The following POMP variants were observed in gnomAD, a reference collection of about 807,000 sequenced individuals.
POMP encodes 2510048O06Rik.
In POMP, 12 loss-of-function variants were observed where a neutral mutation model predicts 20.6. The ratio of observed to expected loss-of-function variants is 0.58; its 90% confidence interval spans 0.37 to 0.94. POMP has a LOEUF of 0.94. Ranked by LOEUF, POMP falls within the 40% of genes least tolerant of loss-of-function variation. The probability of loss-of-function intolerance (pLI) is 0.01; values close to 1 mark genes in which losing one functional copy is unlikely to be tolerated. For missense variants in POMP, 136 were observed against 161.1 expected (o/e 0.84, Z 0.84); for synonymous variants, 53 against 55.0 (o/e 0.96, Z 0.16).
chr13:28,675,819 AG>A (rs1478419096), intron 5 of POMP, among the ~76,000 whole-genome samples: 1 of 152,102 alleles, frequency 6.6e-6, no homozygotes, highest in Non-Finnish European at 1.5e-5. Context: ...CAGAAGACAA[AG>A]GGGGGCCAGT....
chr13:28,669,701 G>T (rs1422559150), intron 4 of POMP, among the ~76,000 whole-genome samples: 2 of 152,168 alleles, frequency 1.3e-5, no homozygotes, highest in African/African-American at 4.8e-5. Flanking sequence ...GTGTCTCTGT[G>T]TAGGTTCCAT....
intron 3 of POMP, among the ~76,000 whole-genome samples, chr13:28,666,250 A>G (rs2137793302): frequency 6.6e-6 from 1 of 152,324 alleles, no homozygotes; most frequent in East Asian, 1.9e-4. Flanking sequence ...ATTTTAATTG[A>G]CTGTATACTC....
At chr13:28,661,783 T>G (rs952229323) in intron 1 of POMP, among the ~76,000 whole-genome samples, 19 of 152,172 alleles carry the variant, frequency 1.2e-4, no homozygotes, top group African/African-American at 4.1e-4. Context: ...TTTCTGAAAT[T>G]CCCTTTTTTT....
intron 4 of POMP, among the ~76,000 whole-genome samples, chr13:28,669,429 GC>G: frequency 6.6e-6 from 1 of 152,220 alleles, no homozygotes; most frequent in Non-Finnish European, 1.5e-5. Context: ...AGGCTGGAGT[GC>G]AGTGGTATGA....
In POMP at chr13:28,678,271, A is replaced by G. The variant is rs781313514; in HGVS notation, c.*169A>G. The G allele has an allele frequency of 1.5e-5, 10 of 679,684 alleles. No homozygotes were observed. Among genetic ancestry groups the G allele is most frequent in the African/African-American group, 3.6e-5 (2 of 55,608 alleles). The allele number at this position is 679,684 out of a possible 1,614,324, so 42.1% of individuals were successfully genotyped here. The stretch of plus-strand genomic sequence containing the variant: ...GTCTTTGGTTTACAGCCATGTGACA[A>G]TTAAAAGCACTAAAGGGAGATCATG... On this transcript the variant is annotated 3_prime_UTR_variant, in exon 6 of 6. Transcript: ENST00000380842.
chr13:28,674,997 C>T (rs1884605148), intron 5 of POMP, among the ~76,000 whole-genome samples: 1 of 152,058 alleles, frequency 6.6e-6, no homozygotes, highest in Non-Finnish European at 1.5e-5. Flanking sequence ...AGGGATCACA[C>T]CAGTGTACTC....
intron 3 of POMP, among the ~76,000 whole-genome samples, chr13:28,666,801 G>A (rs1362738138): frequency 6.6e-6 from 1 of 152,218 alleles, no homozygotes; most frequent in Non-Finnish European, 1.5e-5. Flanking sequence ...ATCATCATTT[G>A]TACCAGTGGT....
rs111928602 is a variant in POMP at position 28,664,506 on chromosome 13, C to T, written c.102-3C>T. On this transcript the variant is annotated splice_region_variant and splice_polypyrimidine_tract_variant and intron_variant, in intron 2 of 5. Coordinates refer to ENST00000380842, the MANE Select transcript of POMP (RefSeq NM_015932.6). ...AAATGTTTTTTTTTTAATGTCCTTT[C>T]AGTTTTTCTTGTGTGAAAAATGAAC... The T allele has an allele frequency of 2.6e-6, 4 of 1,562,690 alleles. No homozygotes were observed. Among genetic ancestry groups the T allele is most frequent in the Non-Finnish European group, 3.5e-6 (4 of 1,137,016 alleles).
At chr13:28,659,275 C>G in intron 1 of POMP, 88 bp downstream of exon 1, 3 of 1,534,264 alleles carry the variant, frequency 2.0e-6, no homozygotes, top group Non-Finnish European at 2.6e-6. Context: ...AACCCGTCCC[C>G]GGTGGCGGCG....
At chr13:28,671,317 A>G (rs545422748) in intron 4 of POMP, among the ~76,000 whole-genome samples, 9 of 152,296 alleles carry the variant, frequency 5.9e-5, no homozygotes, top group Non-Finnish European at 1.3e-4. Context: ...ATGAAATCAC[A>G]TGTTTGGCAC....
In POMP at chr13:28,678,222, A is replaced by G; in HGVS notation, c.*120A>G. ...TGAGAATTTCTGCTCAAGTAGTATCAGTGATCATTTAAAATTTGGAGGGGT... is the reference window on the plus strand; with the variant it reads ...TGAGAATTTCTGCTCAAGTAGTATCGGTGATCATTTAAAATTTGGAGGGGT... On this transcript the variant is annotated 3_prime_UTR_variant, in exon 6 of 6. Coordinates refer to ENST00000380842, the MANE Select transcript of POMP (RefSeq NM_015932.6). The G allele has an allele frequency of 9.9e-7, 1 of 1,009,312 alleles. No individual in the cohort carries two copies. The highest frequency in any genetic ancestry group is 1.5e-6 in the Non-Finnish European group (1 of 646,000). 62.5% of individuals were successfully genotyped at this position (1,009,312 alleles called of 1,614,324 possible).
intron 3 of POMP, 150 bp downstream of exon 3, chr13:28,664,719 T>C: frequency 1.7e-6 from 1 of 581,370 alleles, no homozygotes; most frequent in African/African-American, 1.9e-5. Flanking sequence ...TAGGATAGAC[T>C]TAAAAATTAC....
chr13:28,678,207 T>G lies in POMP; in HGVS notation c.*105T>G. 1 of 1,153,418 alleles carries G rather than the reference T, an allele frequency of 8.7e-7. No homozygotes were observed. The allele number at this position is 1,153,418 out of a possible 1,614,324, so 71.4% of individuals were successfully genotyped here. A position where few individuals can be genotyped will look rare whatever the true frequency, so the allele number is the denominator to read the frequency against. ...AAAAGTACTGACACCTGAGAATTTC[T>G]GCTCAAGTAGTATCAGTGATCATTT... On this transcript the variant is annotated 3_prime_UTR_variant, in exon 6 of 6. Transcript: ENST00000380842.
rs1240500949 is a variant in POMP at position 28,671,886 on chromosome 13, T to C, written c.265-453T>C. 3.9e-5 allele frequency among the ~76,000 whole-genome samples: 6 copies of C among 152,168 alleles called. No homozygotes were observed. The South Asian group carries it at 1.0e-3, about 26-fold the overall frequency. On this transcript the variant is annotated intron_variant, in intron 4 of 5. Transcript: ENST00000380842. ...AATATCAAAAATTATCTGCATTAGC[T>C]GGGCTTGGTGACATGGACCTGTAAT...
intron 5 of POMP, among the ~76,000 whole-genome samples, chr13:28,675,229 C>T (rs1014793066): frequency 5.4e-4 from 82 of 151,926 alleles, no homozygotes; most frequent in Non-Finnish European, 8.8e-5. Context: ...TAACCTCCAC[C>T]TCCTGGGTTC....
rs1884376138 is a variant in POMP at position 28,663,053 on chromosome 13, C to A, written c.101+546C>A. ...ACCTGAAAAATATTTTAAATGGTACCTGACATTAGAAGCACTCAGTATGTA... is the reference window on the plus strand; with the variant it reads ...ACCTGAAAAATATTTTAAATGGTACATGACATTAGAAGCACTCAGTATGTA... On this transcript the variant is annotated intron_variant, in intron 2 of 5. Coordinates refer to ENST00000380842, the MANE Select transcript of POMP (RefSeq NM_015932.6). Among the ~76,000 whole-genome samples, 6 of 152,196 alleles carry A rather than the reference C, an allele frequency of 3.9e-5. 1 individual carries two copies. The South Asian group carries it at 1.2e-3, about 32-fold the overall frequency.
chr13:28,665,275 G>A (rs946524396), intron 3 of POMP, among the ~76,000 whole-genome samples: 2 of 152,218 alleles, frequency 1.3e-5, no homozygotes, highest in Non-Finnish European at 2.9e-5. Flanking sequence ...GGAAGATGAT[G>A]CAGTTGTTAG....
At chr13:28,674,803 C>A (rs1884602298) in intron 5 of POMP, among the ~76,000 whole-genome samples, 1 of 152,072 alleles carries the variant, frequency 6.6e-6, no homozygotes, top group Admixed American at 6.6e-5. Flanking sequence ...CTCTGGGAGG[C>A]AGAGGTGGGA....
Position 28,659,365 on chromosome 13 carries a change from C to T in POMP, c.3+178C>T, listed in dbSNP as rs572507865. Among the ~76,000 whole-genome samples the T allele has an allele frequency of 1.5e-4, 23 of 152,310 alleles. No homozygotes were observed. In the East Asian group the frequency reaches 3.3e-3, roughly 22 times the overall value. ...CGGGGTTTGGGTGGGTCGTGACTGT[C>T]GCCGGGGCCCGGCACTAGTCCCACT... On this transcript the variant is annotated intron_variant, in intron 1 of 5. Coordinates refer to ENST00000380842, the MANE Select transcript of POMP (RefSeq NM_015932.6).
Sources: gnomAD v4.1 joint callset for allele counts (sites outside exome capture counted in the v4.1 genomes callset) on GRCh38, gnomAD v4.1.1 for gene constraint, MANE v1.5 for transcripts, NCBI Gene and HGNC (gene_info 2026-07-23, HGNC 2026-07-21) for gene names.